CTIF: variants seen among roughly 807,000 people sequenced by gnomAD.
The protein encoded by CTIF is cap binding complex dependent translation initiation factor.
CTIF carries 21 observed loss-of-function variants against 66.0 expected under a neutral mutation model. The ratio of observed to expected loss-of-function variants is 0.32; its 90% CI spans 0.23 to 0.46. The LOEUF is 0.46. Ranked by LOEUF, CTIF falls within the 20% of genes least tolerant of loss-of-function variation. CTIF has a pLI of 1.00. For synonymous variants in CTIF, 345 were observed against 326.4 expected, an observed-to-expected ratio of 1.06 and a Z score of -0.62; for missense variants, 739 against 812.7, an observed-to-expected ratio of 0.91 and a Z score of 1.10.
At chr18:48,626,291 G>A (rs962066351) in intron 2 of CTIF, among the ~76,000 whole-genome samples, 1 of 151,516 alleles carries the variant, frequency 6.6e-6, no homozygotes, top group African/African-American at 2.4e-5. Flanking sequence ...GTGAGCCACC[G>A]CGCCCGGCCA....
At chr18:48,681,912 A>G (rs2091750881) in intron 6 of CTIF, among the ~76,000 whole-genome samples, 1 of 152,040 alleles carries the variant, frequency 6.6e-6, no homozygotes, top group African/African-American at 2.4e-5. Flanking sequence ...CAGCCTCCCA[A>G]GTAGCTAGGA....
intron 7 of CTIF, chr18:48,755,868 A>T (rs528714749): frequency 2.0e-5 from 3 of 152,368 alleles, no homozygotes; most frequent in African/African-American, 7.2e-5. Context: ...TGGACACTGT[A>T]TATAAAAAGA....
chr18:48,587,835 G>A (rs1401226632), intron 1 of CTIF, among the ~76,000 whole-genome samples: 2 of 152,038 alleles, frequency 1.3e-5, no homozygotes, highest in African/African-American at 2.4e-5. Context: ...TGACGTTTTT[G>A]CATTCCATCA....
chr18:48,848,995 C>A lies in CTIF; in HGVS notation c.1528-8593C>A, dbSNP rs143313417. Among the ~76,000 whole-genome samples, 1,082 of 152,324 alleles carry A rather than the reference C, an allele frequency of 7.1e-3. 10 individuals are homozygous for A. Among genetic ancestry groups the A allele is most frequent in the Non-Finnish European group, 7.7e-3 (526 of 68,030 alleles). On this transcript the variant is annotated intron_variant, in intron 10 of 11. Coordinates refer to ENST00000256413, the MANE Select transcript of CTIF (RefSeq NM_014772.3). ...GCCGTTCGAGGGCACGGGAGGCTTGCCTGCCCCAGCCCGCCCACATCCCCG... is the reference window on the plus strand; with the variant it reads ...GCCGTTCGAGGGCACGGGAGGCTTGACTGCCCCAGCCCGCCCACATCCCCG...
chr18:48,702,934 A>G (rs1004738469), intron 6 of CTIF, among the ~76,000 whole-genome samples: 4 of 152,038 alleles, frequency 2.6e-5, no homozygotes, highest in African/African-American at 7.2e-5. Context: ...ATGAAAAACC[A>G]TGACCCCCAG....
intron 6 of CTIF, among the ~76,000 whole-genome samples, chr18:48,681,731 C>G (rs1180096845): frequency 6.6e-6 from 1 of 152,126 alleles, no homozygotes; most frequent in African/African-American, 2.4e-5. Flanking sequence ...CTTCAGTGTC[C>G]TTCCCACCTC....
intron 3 of CTIF, 32 bp downstream of exon 3, chr18:48,636,717 G>A: frequency 7.9e-6 from 12 of 1,515,394 alleles, no homozygotes; most frequent in South Asian, 1.4e-5. Context: ...CTGTCTGGGG[G>A]TGTCCTATGT....
At chr18:48,586,746 G>T (rs917182972) in intron 1 of CTIF, among the ~76,000 whole-genome samples, 3 of 152,010 alleles carry the variant, frequency 2.0e-5, no homozygotes, top group Non-Finnish European at 4.4e-5. Context: ...TTTTATTTTA[G>T]TTAGAGTCTT....
intron 1 of CTIF, among the ~76,000 whole-genome samples, chr18:48,571,184 G>A (rs1463821957): frequency 6.6e-6 from 1 of 152,078 alleles, no homozygotes; most frequent in Non-Finnish European, 1.5e-5. Flanking sequence ...TTGTTTGTTT[G>A]TTTGTTTGTT....
chr18:48,803,887 T>G (rs34276312), intron 9 of CTIF, among the ~76,000 whole-genome samples: 68,993 of 151,874 alleles, frequency 0.45, 17,635 homozygotes, highest in African/African-American at 0.69. Flanking sequence ...AGCAGAAAAA[T>G]CAGTCAGCAT....
chr18:48,625,306 A>G (rs996842467), intron 2 of CTIF: 1 of 682,920 alleles, frequency 1.5e-6, no homozygotes, highest in African/African-American at 2.0e-5. Context: ...CCTTATTTAA[A>G]AAATGTATTC....
intron 1 of CTIF, among the ~76,000 whole-genome samples, chr18:48,615,540 A>AG (rs943769929): frequency 1.3e-5 from 2 of 152,128 alleles, no homozygotes; most frequent in Non-Finnish European, 2.9e-5. Context: ...CCGACAAGTG[A>AG]GGGGGGCTAG....
intron 1 of CTIF, among the ~76,000 whole-genome samples, chr18:48,569,990 T>C (rs1008718903): frequency 3.9e-5 from 6 of 152,226 alleles, no homozygotes; most frequent in Admixed American, 3.3e-4. Flanking sequence ...AAATGAATAG[T>C]GACTTTTGTC....
intron 9 of CTIF, among the ~76,000 whole-genome samples, chr18:48,783,792 C>G (rs1021255140): frequency 1.3e-5 from 2 of 152,128 alleles, no homozygotes; most frequent in Non-Finnish European, 2.9e-5. Context: ...GGGAAACCTG[C>G]GGAGGCTGCC....
chr18:48,855,866 C>G (rs2069316361), intron 10 of CTIF, among the ~76,000 whole-genome samples: 1 of 152,144 alleles, frequency 6.6e-6, no homozygotes, highest in Admixed American at 6.5e-5. Flanking sequence ...AGGTTTTGAG[C>G]TGGAGGTGAC....
chr18:48,664,323 G>A, intron 4 of CTIF, 124 bp from the exon 5 acceptor site: 3 of 808,780 alleles, frequency 3.7e-6, no homozygotes, highest in South Asian at 1.5e-5. Flanking sequence ...GGGGCTCCCC[G>A]CCTGGCCCCT....
intron 5 of CTIF, among the ~76,000 whole-genome samples, chr18:48,665,668 C>A (rs2091424985): frequency 1.3e-5 from 2 of 152,192 alleles, no homozygotes; most frequent in African/African-American, 4.8e-5. Context: ...CTGGCAACCA[C>A]CAATCTGCTT....
At chr18:48,709,568 C>T (rs1360870353) in intron 6 of CTIF, among the ~76,000 whole-genome samples, 10 of 152,214 alleles carry the variant, frequency 6.6e-5, no homozygotes, top group South Asian at 2.1e-4. Flanking sequence ...TAGTCCCTGC[C>T]GCCGCCGGTA....
intron 2 of CTIF, among the ~76,000 whole-genome samples, chr18:48,623,395 C>A (rs1007216186): frequency 1.3e-5 from 2 of 152,168 alleles, no homozygotes; most frequent in Non-Finnish European, 2.9e-5. Flanking sequence ...ACACACACAC[C>A]TGGGGTACCG....
Sources: gnomAD v4.1 joint callset for allele counts (sites outside exome capture counted in the v4.1 genomes callset) on GRCh38, gnomAD v4.1.1 for gene constraint, MANE v1.5 for transcripts, NCBI Gene and HGNC (gene_info 2026-07-23, HGNC 2026-07-21) for gene names.